Variants in VWF observed in about 807,000 individuals in gnomAD.
VWF encodes Factor VIII related antigen.
Under a neutral mutation model 308.6 loss-of-function variants are expected in VWF, and 176 were observed. That is an observed-to-expected ratio of 0.57 (90% CI 0.50 to 0.65). The LOEUF is 0.65. Ranked by LOEUF, VWF falls within the 30% of genes least tolerant of loss-of-function variation. The pLI, the probability that VWF is intolerant of heterozygous loss-of-function variation, is 0.00. For synonymous variants in VWF, 1,385 were observed against 1,443.4 expected, an observed-to-expected ratio of 0.96 and a Z score of 0.92; for missense variants, 3,146 against 3,648.2, an observed-to-expected ratio of 0.86 and a Z score of 3.55.
intron 4 of VWF, 104 bp from the exon 5 acceptor site, chr12:6,110,686 T>G (rs553162113): frequency 6.1e-5 from 85 of 1,402,018 alleles, no homozygotes; most frequent in Non-Finnish European, 8.2e-5. Flanking sequence ...CAGAACATGG[T>G]GCAAAGTGGC....
chr12:6,066,259 C>T (rs1046886433), intron 10 of VWF, among the ~76,000 whole-genome samples: 5 of 152,244 alleles, frequency 3.3e-5, no homozygotes, highest in African/African-American at 1.2e-4. Context: ...GATTCTCCAT[C>T]AACCTGCCTG....
intron 47 of VWF, chr12:5,954,005 AT>A: frequency 4.6e-6 from 1 of 219,158 alleles, no homozygotes. Context: ...CAAACAAGAA[AT>A]CTGAGAGTTA....
At chr12:6,026,688 T>G (rs530276837) in intron 22 of VWF, among the ~76,000 whole-genome samples, 66 of 152,344 alleles carry the variant, frequency 4.3e-4, no homozygotes, top group African/African-American at 1.6e-3. Flanking sequence ...TAAGTTCTAG[T>G]GTTCGGTAGC....
intron 38 of VWF, among the ~76,000 whole-genome samples, chr12:5,986,735 A>G (rs216875): frequency 0.84 from 127,073 of 152,176 alleles, 53,558 homozygotes; most frequent in East Asian, 0.92. Context: ...TGTGTTGAGG[A>G]CTTTATTTAA....
chr12:6,067,114 G>A (rs926937566), intron 10 of VWF, among the ~76,000 whole-genome samples: 2 of 152,180 alleles, frequency 1.3e-5, no homozygotes, highest in South Asian at 2.1e-4. Flanking sequence ...GTGACTGTTC[G>A]TGGAGGACAG....
chr12:6,007,224 T>C (rs1286512205), intron 34 of VWF, among the ~76,000 whole-genome samples: 1 of 152,168 alleles, frequency 6.6e-6, no homozygotes, highest in African/African-American at 2.4e-5. Context: ...ATGGCCCAAG[T>C]GGACCTATCA....
chr12:6,039,336 C>A (rs1032553292), intron 18 of VWF, among the ~76,000 whole-genome samples: 4 of 152,228 alleles, frequency 2.6e-5, no homozygotes, highest in African/African-American at 9.6e-5. Flanking sequence ...TAGGAAAATA[C>A]TGGTCTTGTT....
At chr12:6,000,546 G>A (rs1014641190) in intron 34 of VWF, among the ~76,000 whole-genome samples, 5 of 152,106 alleles carry the variant, frequency 3.3e-5, no homozygotes, top group South Asian at 2.1e-4. Flanking sequence ...GGTGGCTCAC[G>A]CCTGGAATCC....
chr12:5,969,445 TC>T (rs1565813346), intron 44 of VWF, 54 bp from the exon 45 acceptor site: 19 of 1,607,362 alleles, frequency 1.2e-5, no homozygotes, highest in Non-Finnish European at 1.6e-5. Flanking sequence ...GAGCCCAGGG[TC>T]CCATTGGGAA....
At chr12:6,083,519 T>C (rs983933853) in intron 6 of VWF, among the ~76,000 whole-genome samples, 5 of 152,126 alleles carry the variant, frequency 3.3e-5, no homozygotes, top group African/African-American at 9.7e-5. Context: ...GAGCCAAGAT[T>C]GCACCACGGC....
intron 43 of VWF, among the ~76,000 whole-genome samples, chr12:5,975,667 T>C (rs1943524470): frequency 6.6e-6 from 1 of 152,206 alleles, no homozygotes; most frequent in Non-Finnish European, 1.5e-5. Flanking sequence ...AGGTGATACA[T>C]GAGGGTGGAA....
In VWF at chr12:6,013,705, C is replaced by A; in HGVS notation, c.5456-60G>T. The A allele has an allele frequency of 4.4e-6, 7 of 1,593,536 alleles. 1 individual carries two copies. The South Asian group carries it at 7.7e-5, about 18-fold the overall frequency. On this transcript the variant is annotated intron_variant, in intron 31 of 51. Transcript: ENST00000261405. ...GGCAAGAAGGCTCAAAATGGACTGG[C>A]CTGACGTTATATCCAGCATCTGAAT...
intron 5 of VWF, among the ~76,000 whole-genome samples, chr12:6,105,622 A>T (rs1384457423): frequency 1.3e-5 from 2 of 152,258 alleles, no homozygotes; most frequent in African/African-American, 4.8e-5. Flanking sequence ...GTAAAGAGAA[A>T]TAGATATTGT....
chr12:6,011,765 C>T lies in VWF; in HGVS notation c.5694G>A (p.Gln1898=), dbSNP rs1218412177. 1.2e-6 allele frequency: 2 copies of T among 1,613,332 alleles called. No homozygotes were observed. The highest frequency in any genetic ancestry group is 1.3e-5 in the African/African-American group (1 of 74,974). Residue 1898 remains glutamine (Q), a synonymous_variant, in exon 34 of 52, where the codon CAG becomes CAA. Transcript: ENST00000261405. The part of the protein sequence containing the change: ...RPGDVWTLPD[Q]CHTVTCQPDG... ...CTGGCTGGCAAGTCACGGTGTGGCA[C>T]TGGTCTGGCAAGGTCCAGACGTCCC...
chr12:5,956,233 T>C (rs1474469353), intron 47 of VWF, among the ~76,000 whole-genome samples: 1 of 152,212 alleles, frequency 6.6e-6, no homozygotes, highest in African/African-American at 2.4e-5. Context: ...TAATGTATGT[T>C]ACTGGTTTAT....
In VWF at chr12:5,962,309, AT is replaced by A. The variant is rs954007261; in HGVS notation, c.7887+5176del. On this transcript the variant is annotated intron_variant, in intron 47 of 51. Coordinates refer to ENST00000261405, the MANE Select transcript of VWF (RefSeq NM_000552.5). ...CAATATAATCCGGCACACTTTAAAC[AT>A]TTTTTTAATAAAAATTAACAGGATG... Among the ~76,000 whole-genome samples, 10 of 152,110 alleles carry A rather than the reference AT, an allele frequency of 6.6e-5. No individual in the cohort carries two copies. In the South Asian group the frequency reaches 1.9e-3, roughly 28 times the overall value.
chr12:5,989,436 T>C (rs993248863), intron 38 of VWF, among the ~76,000 whole-genome samples: 32 of 152,346 alleles, frequency 2.1e-4, no homozygotes, highest in African/African-American at 7.7e-4. Context: ...AAAGTCAAAG[T>C]TGAAAATGCA....
chr12:6,053,519 A>C (rs1357259100), intron 15 of VWF, among the ~76,000 whole-genome samples: 2 of 152,314 alleles, frequency 1.3e-5, no homozygotes, highest in Middle Eastern at 6.8e-3. Context: ...AATGGGCTGC[A>C]CCCATCTGCC....
chr12:6,014,484 G>A (rs540978864), intron 31 of VWF, among the ~76,000 whole-genome samples: 1 of 152,198 alleles, frequency 6.6e-6, no homozygotes, highest in Admixed American at 6.5e-5. Flanking sequence ...GACATGGTGT[G>A]GGGAGGTGTG....
Sources: gnomAD v4.1 joint callset for allele counts (sites outside exome capture counted in the v4.1 genomes callset) on GRCh38, gnomAD v4.1.1 for gene constraint, MANE v1.5 for transcripts, NCBI Gene and HGNC (gene_info 2026-07-23, HGNC 2026-07-21) for gene names.